C3: variants seen among roughly 807,000 people sequenced by gnomAD.
The protein encoded by C3 is complement C3.
In C3, 97 loss-of-function variants were observed where a neutral mutation model predicts 207.9. The observed-to-expected ratio is 0.47, with a 90% CI of 0.40 to 0.55. The LOEUF is 0.55. Among genes scored for constraint, C3 ranks in the 20% least tolerant of loss-of-function variants. C3 has a pLI of 0.00. For missense variants in C3, 1,684 were observed against 2,171.7 expected (o/e 0.78, Z 4.46); for synonymous variants, 848 against 857.6 (o/e 0.99, Z 0.20).
intron 14 of C3, among the ~76,000 whole-genome samples, chr19:6,708,182 G>C (rs1157494626): frequency 6.6e-6 from 1 of 151,676 alleles, no homozygotes; most frequent in South Asian, 2.1e-4. Context: ...TGTCACCCAG[G>C]CTGGAGTGCA....
At chr19:6,703,671 G>A (rs144482379) in intron 17 of C3, among the ~76,000 whole-genome samples, 143 of 152,258 alleles carry the variant, frequency 9.4e-4, no homozygotes, top group African/African-American at 3.2e-3. Context: ...ACCGTCCCGA[G>A]AAACCGTGTC....
At chr19:6,720,350 C>T (rs1968136028) in intron 1 of C3, among the ~76,000 whole-genome samples, 166 bp downstream of exon 1, 1 of 152,232 alleles carries the variant, frequency 6.6e-6, no homozygotes, top group Non-Finnish European at 1.5e-5. Flanking sequence ...ACCACAAACA[C>T]CCAAACTCAC....
Position 6,720,516 on chromosome 19 carries a change from A to G in C3, c.74T>C (p.Met25Thr), listed in dbSNP as rs1334683171. 10 of 1,588,296 alleles carry G rather than the reference A, an allele frequency of 6.3e-6. No individual in the cohort carries two copies. The highest frequency in any genetic ancestry group is 8.6e-6 in the Non-Finnish European group (10 of 1,166,614). The change falls in exon 1 of 41, where the codon ATG becomes ACG. Residue 25 changes from methionine to threonine, a missense_variant and splice_region_variant. Transcript: ENST00000245907. ...THLPLALGSP[M>T]YSIITPNILR... ...TGTGGGTAGAGTCATAACCACTCAC[A>G]TGGGACTCCCCAGAGCCAGGGGGAG...
rs931141647 is a variant in C3, at chr19:6,709,939, G to A, written c.1687-97C>T. 22 of 1,153,782 alleles carry A rather than the reference G, an allele frequency of 1.9e-5. 1 individual carries two copies. The highest frequency in any genetic ancestry group is 2.8e-5 in the Non-Finnish European group (22 of 798,920). The allele number at this position is 1,153,782 out of a possible 1,614,324, so 71.5% of individuals were successfully genotyped here. A position where few individuals can be genotyped will look rare whatever the true frequency, so the allele number is the denominator to read the frequency against. On this transcript the variant is annotated intron_variant, in intron 13 of 40. Transcript: ENST00000245907. ...TGGGCTAGAGTGGAAAGACAGAAAG[G>A]TTGGGGGGAGCCGTGGGGCTGGGGA...
At chr19:6,678,580 G>A in intron 38 of C3, 125 bp from the exon 39 acceptor site, 2 of 738,362 alleles carry the variant, frequency 2.7e-6, no homozygotes, top group South Asian at 3.1e-5. Context: ...ATCACAGCCA[G>A]TCACACTATG....
chr19:6,698,897 C>A (rs555249731), intron 19 of C3, among the ~76,000 whole-genome samples: 265 of 152,084 alleles, frequency 1.7e-3, no homozygotes, highest in Non-Finnish European at 3.2e-3. Flanking sequence ...TGGGTTCAAG[C>A]AATTCTCCTG....
rs551956847 is a variant in C3 at position 6,687,417 on chromosome 19, T to C, written c.3490-515A>G. ...CATAGCTCACACTTACTTTGTGTCA[T>C]TCAGATACCCACACATTTAATCTCA... is the stretch of plus-strand genomic sequence containing the variant. On this transcript the variant is annotated intron_variant, in intron 27 of 40. Coordinates refer to ENST00000245907, the MANE Select transcript of C3 (RefSeq NM_000064.4). Among the ~76,000 whole-genome samples, 4 of 152,324 alleles carry C rather than the reference T, an allele frequency of 2.6e-5. No individual in the cohort carries two copies. The South Asian group carries it at 8.3e-4, about 32-fold the overall frequency.
At position 6,679,220 on chromosome 19, in the gene C3, G is replaced by A. The variant is rs748754304; in HGVS notation, c.4547-12C>T. Reference sequence around the variant, plus strand: ...TATGAAGCAATTCTCTGCAGGGTGGGGTGGAGACAGGGTCTAAGTCCCACT... The same window carrying A: ...TATGAAGCAATTCTCTGCAGGGTGGAGTGGAGACAGGGTCTAAGTCCCACT... On this transcript the variant is annotated splice_polypyrimidine_tract_variant and intron_variant, in intron 37 of 40. Coordinates refer to ENST00000245907, the MANE Select transcript of C3 (RefSeq NM_000064.4). 6.2e-6 allele frequency: 10 copies of A among 1,611,474 alleles called. No homozygotes were observed. The South Asian group carries it at 9.9e-5, about 16-fold the overall frequency.
At chr19:6,703,282 T>C (rs1337711727) in intron 17 of C3, among the ~76,000 whole-genome samples, 6 of 152,124 alleles carry the variant, frequency 3.9e-5, no homozygotes, top group Non-Finnish European at 8.8e-5. Flanking sequence ...GACTGGATTA[T>C]AGTCATTCCT....
chr19:6,686,258 G>A lies in C3; in HGVS notation c.3676C>T (p.Gln1226Ter). 1 of 1,614,128 alleles carries A rather than the reference G, an allele frequency of 6.2e-7. No individual in the cohort carries two copies. Among genetic ancestry groups the A allele is most frequent in the Non-Finnish European group, 8.5e-7 (1 of 1,180,026 alleles). ...GATGTGGCCTCCACGTTGTAGAGCTGCTTACCAGGGTCCTCCCAGCGGTTC... is the reference window on the plus strand; with the variant it reads ...GATGTGGCCTCCACGTTGTAGAGCTACTTACCAGGGTCCTCCCAGCGGTTC... ...DKNRWEDPGK[Q>*]LYNVEATSYA... The change falls in exon 29 of 41, where the codon CAG becomes TAG. Residue 1226 changes from glutamine (Q) to a stop codon, truncating the protein, a stop_gained. Coordinates refer to ENST00000245907, the MANE Select transcript of C3 (RefSeq NM_000064.4). LOFTEE classifies it high-confidence loss of function.
At chr19:6,714,285 G>C in intron 5 of C3, 37 bp from the exon 6 acceptor site, 1 of 1,611,340 alleles carries the variant, frequency 6.2e-7, no homozygotes, top group Non-Finnish European at 8.5e-7. Context: ...CTCAGGCCTC[G>C]GAGCCCCCCT....
chr19:6,709,943 G>T (rs1406612249), intron 13 of C3, 101 bp from the exon 14 acceptor site: 5 of 1,181,298 alleles, frequency 4.2e-6, no homozygotes, highest in African/African-American at 3.1e-5. Flanking sequence ...AGAAAGGTTG[G>T]GGGGAGCCGT....
Position 6,685,022 on chromosome 19 carries a change from T to G in C3, c.3935A>C (p.His1312Pro). Residue 1312 changes from histidine (H) to proline (P), a missense_variant, in exon 30 of 41, where the codon CAC becomes CCC. By Grantham distance (77) the His-to-Pro change is moderately conservative (BLOSUM62 -2). This residue lies in a region of C3 where 1,280 missense variants were observed against 1,739.1 expected (regional missense o/e 0.74). Coordinates refer to ENST00000245907, the MANE Select transcript of C3 (RefSeq NM_000064.4). ...SRSSKITHRI[H>P]WESASLLRSE... is the part of the protein sequence containing the mutation. ...TCGCAGGAGGCTGGCAGATTCCCAG[T>G]GGATACGGTGGGTGATCTTGGAGCT... 6.2e-7 allele frequency: 1 copy of G among 1,613,854 alleles called. No homozygotes were observed. Among genetic ancestry groups the G allele is most frequent in the Non-Finnish European group, 8.5e-7 (1 of 1,179,990 alleles).
chr19:6,702,806 G>C, intron 17 of C3: 1 of 463,448 alleles, frequency 2.2e-6, no homozygotes, highest in Non-Finnish European at 4.0e-6. Context: ...GGCTGAGGTG[G>C]GTGGATCGCT....
In C3 at chr19:6,693,270, A is replaced by G. The variant is rs1918213174; in HGVS notation, c.3230+142T>C. On this transcript the variant is annotated intron_variant, in intron 25 of 40. Transcript: ENST00000245907. ...GATGCTTAATGACCGCCGGCCACTC[A>G]GCCAGCGCTTGCCTGGACTCTGCAG... is the stretch of plus-strand genomic sequence containing the variant. The G allele has an allele frequency of 4.7e-6, 5 of 1,069,618 alleles. No homozygotes were observed. In the South Asian group the frequency reaches 6.6e-5, roughly 14 times the overall value. The allele number at this position is 1,069,618 out of a possible 1,614,324, so 66.3% of individuals were successfully genotyped here.
chr19:6,687,585 T>C (rs552965749), intron 27 of C3, among the ~76,000 whole-genome samples: 15 of 152,314 alleles, frequency 9.8e-5, no homozygotes, highest in African/African-American at 3.1e-4. Context: ...CTCATTTCCA[T>C]GATGTAAATA....
At chr19:6,710,914 G>A (rs1967909517) in intron 12 of C3, 69 bp from the exon 13 acceptor site, 1 of 1,599,296 alleles carries the variant, frequency 6.3e-7, no homozygotes, top group South Asian at 1.1e-5. Flanking sequence ...GATCCGGGAT[G>A]GGGGAAGGAG....
At chr19:6,707,750 G>C in intron 15 of C3, 50 bp downstream of exon 15, 1 of 1,609,448 alleles carries the variant, frequency 6.2e-7, no homozygotes, top group South Asian at 1.1e-5. Context: ...CAGCATCTGG[G>C]AGGTGGAGGT....
chr19:6,693,092 G>A lies in C3; in HGVS notation c.3231-9C>T. On this transcript the variant is annotated splice_polypyrimidine_tract_variant and intron_variant, in intron 25 of 40. Transcript: ENST00000245907. ...CCACGTAGGCGGTCAGCCTGGAGTG[G>A]GCACAGAGCATGAGCCAATCGGCTC... 1 of 1,613,822 alleles carries A rather than the reference G, an allele frequency of 6.2e-7. No individual in the cohort carries two copies. Among genetic ancestry groups the A allele is most frequent in the Non-Finnish European group, 8.5e-7 (1 of 1,179,918 alleles).
Sources: gnomAD v4.1 joint callset for allele counts (sites outside exome capture counted in the v4.1 genomes callset) on GRCh38, gnomAD v4.1.1 for gene constraint, gnomAD v4.1.1 regional missense constraint, MANE v1.5 for transcripts, NCBI Gene and HGNC (gene_info 2026-07-23, HGNC 2026-07-21) for gene names.